The following DENND2B variants were observed in gnomAD, a reference collection of about 807,000 sequenced individuals.
The protein encoded by DENND2B is DENN domain containing 2B.
A neutral mutation model predicts 116.0 loss-of-function variants in DENND2B; 32 were observed. The observed-to-expected ratio is 0.28, with a 90% CI of 0.21 to 0.37. The LOEUF (loss-of-function observed/expected upper bound fraction) is 0.37, where lower values mean the gene tolerates loss of function less well. Among genes scored for constraint, DENND2B ranks in the 10% least tolerant of loss-of-function variants. DENND2B has a pLI of 1.00. For missense variants in DENND2B, 1,276 were observed against 1,477.7 expected (o/e 0.86, Z 2.24); for synonymous variants, 588 against 583.9 (o/e 1.01, Z -0.10).
upstream of DENND2B, chr11:8,811,316 C>G (rs1678540160): frequency 5.0e-6 from 2 of 398,460 alleles, no homozygotes; most frequent in South Asian, 2.5e-4. Context: ...GTGGTGGCGC[C>G]TAAGCAGTCT....
intron 1 of DENND2B, among the ~76,000 whole-genome samples, chr11:8,900,182 T>G (rs934392991): frequency 6.6e-6 from 1 of 151,682 alleles, no homozygotes; most frequent in Admixed American, 6.6e-5. Context: ...TCCCAACACT[T>G]TGGGAGGCCG....
Position 8,707,893 on chromosome 11 carries a change from C to G in DENND2B, c.2353-39G>C, listed in dbSNP as rs758709167. Reference sequence around the variant, plus strand: ...AGGAGGAGGAGGAGAGAGACAGACACAGAGAATGCATGATTACCATTTCTG... The same window carrying G: ...AGGAGGAGGAGGAGAGAGACAGACAGAGAGAATGCATGATTACCATTTCTG... On this transcript the variant is annotated intron_variant, in intron 11 of 19. Transcript: ENST00000313726. This position sits in a 1 kb window ranked among gnomAD's most constrained non-coding sequence, Gnocchi z 4.8. 5 of 1,583,986 alleles carry G rather than the reference C, an allele frequency of 3.2e-6. No homozygotes were observed. Among genetic ancestry groups the G allele is most frequent in the Non-Finnish European group, 4.3e-6 (5 of 1,165,448 alleles).
intron 19 of DENND2B, 109 bp from the exon 20 acceptor site, chr11:8,694,239 A>C: frequency 7.7e-7 from 1 of 1,293,890 alleles, no homozygotes; most frequent in Non-Finnish European, 1.1e-6. Flanking sequence ...AAGGATTAGG[A>C]AGACTGGATT....
In DENND2B at chr11:8,702,181, C is replaced by T. The variant is rs2041829822; in HGVS notation, c.2720+391G>A. 6.6e-6 allele frequency among the ~76,000 whole-genome samples: 1 copy of T among 152,180 alleles called. No individual in the cohort carries two copies. The highest frequency in any genetic ancestry group is 1.5e-5 in the Non-Finnish European group (1 of 68,032). On this transcript the variant is annotated intron_variant, in intron 14 of 19. Coordinates refer to ENST00000313726, the MANE Select transcript of DENND2B (RefSeq NM_213618.2). The surrounding 1 kb of genome is among the most constrained non-coding windows in gnomAD (Gnocchi z 4.6). The stretch of plus-strand genomic sequence containing the variant: ...TGCCCCTTCCTCACAGCAGCTCTTT[C>T]CTCAAACTCAGCATCCCATTGAGAT...
At chr11:8,866,594 A>G (rs2063589056) in intron 2 of DENND2B, among the ~76,000 whole-genome samples, 1 of 152,182 alleles carries the variant, frequency 6.6e-6, no homozygotes, top group African/African-American at 2.4e-5. Context: ...GGTGACACAA[A>G]ATACAAACTG....
At chr11:8,841,751 T>C (rs1251951051) in intron 3 of DENND2B, among the ~76,000 whole-genome samples, 1 of 152,220 alleles carries the variant, frequency 6.6e-6, no homozygotes, top group East Asian at 1.9e-4. Context: ...ACCCACTTCT[T>C]CCGAACCACC....
chr11:8,848,658 A>C (rs1008072461), intron 3 of DENND2B, among the ~76,000 whole-genome samples: 1 of 152,238 alleles, frequency 6.6e-6, no homozygotes, highest in African/African-American at 2.4e-5. Context: ...TGGAGGAGAA[A>C]GATAAAATTG....
upstream of DENND2B, among the ~76,000 whole-genome samples, chr11:8,876,097 T>C (rs1271046505): frequency 2.6e-5 from 4 of 152,148 alleles, no homozygotes; most frequent in Non-Finnish European, 4.4e-5. Context: ...AATTAAGATA[T>C]ACTATAGGCC....
upstream of DENND2B, among the ~76,000 whole-genome samples, chr11:8,812,681 G>A (rs1393760389): frequency 6.6e-6 from 1 of 152,154 alleles, no homozygotes; most frequent in East Asian, 1.9e-4. Flanking sequence ...GTGCCATTGG[G>A]CAAGTCCCAT....
At chr11:8,699,002 G>A (rs199835444) in intron 15 of DENND2B, 28 bp from the exon 16 acceptor site, 116 of 1,613,370 alleles carry the variant, frequency 7.2e-5, no homozygotes, top group Non-Finnish European at 9.3e-5. Context: ...TAGCAGAGTG[G>A]CTCAGGGCAT....
intron 1 of DENND2B, among the ~76,000 whole-genome samples, chr11:8,884,711 A>C (rs1437331377): frequency 6.6e-6 from 1 of 152,140 alleles, no homozygotes; most frequent in Non-Finnish European, 1.5e-5. Flanking sequence ...CATGCATGGT[A>C]CCAATGATGA....
intron 2 of DENND2B, among the ~76,000 whole-genome samples, chr11:8,743,215 TA>T (rs922021804): frequency 2.0e-5 from 3 of 152,080 alleles, no homozygotes; most frequent in East Asian, 1.9e-4. Flanking sequence ...TAAATCTGTT[TA>T]AAAAAAATCT....
At chr11:8,805,682 A>G (rs987668381) in intron 1 of DENND2B, among the ~76,000 whole-genome samples, 1 of 152,178 alleles carries the variant, frequency 6.6e-6, no homozygotes, top group African/African-American at 2.4e-5. Flanking sequence ...CCTACCATCA[A>G]AACTCAGAAC....
chr11:8,796,813 AT>A (rs1565968281), intron 1 of DENND2B, among the ~76,000 whole-genome samples: 1 of 152,020 alleles, frequency 6.6e-6, no homozygotes, highest in African/African-American at 2.4e-5. Flanking sequence ...GAGAAAGGCC[AT>A]TTTTTTCCTG....
intron 1 of DENND2B, among the ~76,000 whole-genome samples, chr11:8,765,749 T>C (rs1057084347): frequency 1.3e-5 from 2 of 152,128 alleles, no homozygotes; most frequent in East Asian, 1.9e-4. Flanking sequence ...TGTTTAAACC[T>C]ACTTAAGGCC....
intron 2 of DENND2B, among the ~76,000 whole-genome samples, chr11:8,865,571 C>T (rs781093253): frequency 1.3e-5 from 2 of 151,722 alleles, no homozygotes; most frequent in African/African-American, 4.8e-5. Flanking sequence ...TTGGTAGCTG[C>T]CTTTGGAGTC....
upstream of DENND2B, among the ~76,000 whole-genome samples, chr11:8,814,211 T>C (rs2061490370): frequency 6.6e-6 from 1 of 151,158 alleles, no homozygotes; most frequent in African/African-American, 2.4e-5. Context: ...AAAAACCTCC[T>C]AATTGCCCCA....
At chr11:8,726,438 A>C in intron 3 of DENND2B, 1 of 459,126 alleles carries the variant, frequency 2.2e-6, no homozygotes, top group Non-Finnish European at 3.8e-6. Flanking sequence ...CCGCTATTAG[A>C]TAACAACTAC....
chr11:8,736,558 A>G (rs2049080087), intron 2 of DENND2B, among the ~76,000 whole-genome samples: 2 of 152,178 alleles, frequency 1.3e-5, no homozygotes, highest in Non-Finnish European at 2.9e-5. Context: ...AGCAGTAGAG[A>G]TGAGTTGCTG....
Sources: allele counts gnomAD v4.1 joint callset (sites outside exome capture counted in the v4.1 genomes callset), GRCh38; gene constraint gnomAD v4.1.1; non-coding constraint Gnocchi (gnomAD v3.1); transcripts MANE v1.5; gene names NCBI Gene and HGNC (gene_info 2026-07-23, HGNC 2026-07-21).